GRB14: variants seen among roughly 807,000 people sequenced by gnomAD.
GRB14 encodes growth factor receptor-bound protein 14.
Under a neutral mutation model 69.1 loss-of-function variants are expected in GRB14, and 38 were observed. The ratio of observed to expected loss-of-function variants is 0.55; its 90% CI spans 0.42 to 0.72. The LOEUF (loss-of-function observed/expected upper bound fraction) is 0.72, where lower values mean the gene tolerates loss of function less well. Among genes scored for constraint, GRB14 ranks in the 30% least tolerant of loss-of-function variants. GRB14 has a pLI of 0.00. For synonymous variants in GRB14, 247 were observed against 241.3 expected, an observed-to-expected ratio of 1.02 and a Z score of -0.22; for missense variants, 666 against 666.1, an observed-to-expected ratio of 1.00 and a Z score of 0.00.
intron 2 of GRB14, among the ~76,000 whole-genome samples, chr2:164,587,356 T>C (rs1689562297): frequency 6.6e-6 from 1 of 152,180 alleles, no homozygotes; most frequent in African/African-American, 2.4e-5. Context: ...ACATCCTTTA[T>C]GTCTCAGGCA....
chr2:164,602,510 C>T (rs1689942363), intron 2 of GRB14, among the ~76,000 whole-genome samples: 1 of 152,052 alleles, frequency 6.6e-6, no homozygotes. Flanking sequence ...ACACGTACTT[C>T]ATAAGAAAGC....
chr2:164,551,434 A>G (rs1456972493), intron 2 of GRB14, among the ~76,000 whole-genome samples: 1 of 152,126 alleles, frequency 6.6e-6, no homozygotes, highest in Non-Finnish European at 1.5e-5. Flanking sequence ...GTACCCTCCA[A>G]AATTCACATG....
intron 2 of GRB14, among the ~76,000 whole-genome samples, chr2:164,561,856 C>G (rs184001075): frequency 6.6e-6 from 1 of 152,128 alleles, no homozygotes; most frequent in Non-Finnish European, 1.5e-5. Context: ...AAGGGCAATA[C>G]TCTGTGTGAA....
intron 8 of GRB14, among the ~76,000 whole-genome samples, chr2:164,505,650 T>C (rs949519158): frequency 3.9e-5 from 6 of 152,202 alleles, no homozygotes; most frequent in African/African-American, 1.4e-4. Context: ...TATTTATGTG[T>C]GTATATACTT....
intron 3 of GRB14, among the ~76,000 whole-genome samples, chr2:164,530,778 G>A (rs1687910031): frequency 6.6e-6 from 1 of 152,188 alleles, no homozygotes. Context: ...GTGGGTTGTA[G>A]AAAGCCCTGC....
intron 8 of GRB14, 119 bp from the exon 9 acceptor site, chr2:164,502,454 A>C: frequency 3.2e-6 from 2 of 616,976 alleles, no homozygotes; most frequent in East Asian, 5.7e-5. Flanking sequence ...GCAAACAAGT[A>C]AAGCAACCAA....
At chr2:164,545,928 G>A (rs1688361724) in intron 3 of GRB14, among the ~76,000 whole-genome samples, 1 of 152,094 alleles carries the variant, frequency 6.6e-6, no homozygotes, top group Admixed American at 6.5e-5. Flanking sequence ...ATTTTAAGAG[G>A]CTACTCCTTG....
At position 164,611,317 on chromosome 2, in the gene GRB14, T is replaced by C. The variant is rs139157263; in HGVS notation, c.324+8370A>G. 4.2e-3 allele frequency among the ~76,000 whole-genome samples: 646 copies of C among 152,256 alleles called. 3 individuals are homozygous for C. The highest frequency in any genetic ancestry group is 0.014 in the African/African-American group (600 of 41,552). On this transcript the variant is annotated intron_variant, in intron 2 of 13. Transcript: ENST00000263915. ...AACACAGAAGAAAGGAGGCCATTTA[T>C]GGGGCTCCTGTAGGTGAGAAGACAA...
At chr2:164,555,760 A>G (rs916255063) in intron 2 of GRB14, among the ~76,000 whole-genome samples, 9 of 151,334 alleles carry the variant, frequency 5.9e-5, no homozygotes, top group African/African-American at 2.2e-4. Flanking sequence ...TTATATATGT[A>G]TAGTTAACAT....
rs138650974 is a variant in GRB14 at position 164,557,262 on chromosome 2, T to G, written c.325-9446A>C. Among the ~76,000 whole-genome samples, 27 of 152,194 alleles carry G rather than the reference T, an allele frequency of 1.8e-4. No individual in the cohort carries two copies. In the East Asian group the frequency reaches 5.2e-3, roughly 29 times the overall value. Reference sequence around the variant, plus strand: ...TATGAGGACAGGGAGTAAGCATGGGTGCCAGGCAGCCTGAGGAGGGGGTGC... The same window carrying G: ...TATGAGGACAGGGAGTAAGCATGGGGGCCAGGCAGCCTGAGGAGGGGGTGC... On this transcript the variant is annotated intron_variant, in intron 2 of 13. Coordinates refer to ENST00000263915, the MANE Select transcript of GRB14 (RefSeq NM_004490.3).
At position 164,494,476 on chromosome 2, in the gene GRB14, C is replaced by T. The variant is rs1247470087; in HGVS notation, c.1431G>A (p.Leu477=). The T allele has an allele frequency of 6.2e-7, 1 of 1,605,092 alleles. No homozygotes were observed. The highest frequency in any genetic ancestry group is 8.5e-7 in the Non-Finnish European group (1 of 1,172,040). ...DSQSNPKTFV[L]SMSHGQKIKH... is the part of the protein sequence containing the mutation. ...TTATTTTTTGTCCATGACTCATTGA[C>T]AGTACGAAAGTTTTGGGGTTACTCT... Residue 477 remains leucine, a synonymous_variant, in exon 13 of 14, where the codon CTG becomes CTA. Transcript: ENST00000263915.
At chr2:164,499,777 A>T (rs1011012091) in intron 9 of GRB14, among the ~76,000 whole-genome samples, 7 of 152,154 alleles carry the variant, frequency 4.6e-5, no homozygotes, top group Non-Finnish European at 8.8e-5. Context: ...CTAGGTGACA[A>T]CCAGTATCAT....
chr2:164,497,098 A>G lies in GRB14; in HGVS notation c.1295-3T>C, dbSNP rs1162767224. On this transcript the variant is annotated splice_polypyrimidine_tract_variant and splice_region_variant and intron_variant, in intron 11 of 13. Transcript: ENST00000263915. ...CCATGGCTGGGACCGGTGGATAGCT[A>G]AAGAAATAGGATGGATGAATGCAAA... The G allele has an allele frequency of 6.2e-7, 1 of 1,612,916 alleles. No homozygotes were observed. The highest frequency in any genetic ancestry group is 1.3e-5 in the African/African-American group (1 of 75,010).
At chr2:164,563,197 C>A (rs1212371503) in intron 2 of GRB14, among the ~76,000 whole-genome samples, 1 of 152,178 alleles carries the variant, frequency 6.6e-6, no homozygotes, top group East Asian at 1.9e-4. Flanking sequence ...AATCCCTATA[C>A]AAGTAATAGA....
intron 6 of GRB14, among the ~76,000 whole-genome samples, chr2:164,519,361 A>C (rs1246508553): frequency 3.9e-5 from 6 of 152,186 alleles, no homozygotes; most frequent in African/African-American, 1.4e-4. Flanking sequence ...ACATACCTTA[A>C]AGTAATCGAA....
intron 2 of GRB14, among the ~76,000 whole-genome samples, chr2:164,597,665 G>A (rs901164249): frequency 2.6e-5 from 4 of 152,038 alleles, no homozygotes; most frequent in African/African-American, 9.7e-5. Context: ...AGAATGGAGG[G>A]AGGGATGCAA....
intron 3 of GRB14, among the ~76,000 whole-genome samples, chr2:164,532,431 T>A (rs1574278804): frequency 6.6e-6 from 1 of 152,184 alleles, no homozygotes; most frequent in East Asian, 1.9e-4. Context: ...CAGGTCCTAA[T>A]CTCTAGAACC....
At chr2:164,522,841 G>A (rs1445145536) in intron 5 of GRB14, among the ~76,000 whole-genome samples, 1 of 151,998 alleles carries the variant, frequency 6.6e-6, no homozygotes, top group Non-Finnish European at 1.5e-5. Context: ...CCTTGAATGC[G>A]AGCAAGCCTG....
chr2:164,585,128 A>G (rs1273031984), intron 2 of GRB14, among the ~76,000 whole-genome samples: 12 of 55,152 alleles, frequency 2.2e-4, no homozygotes, highest in Admixed American at 5.6e-4. Flanking sequence ...TTTTTTTTTT[A>G]GTAGAGATGG....
Sources: allele counts gnomAD v4.1 joint callset (sites outside exome capture counted in the v4.1 genomes callset), GRCh38; gene constraint gnomAD v4.1.1; transcripts MANE v1.5; gene names NCBI Gene and HGNC (gene_info 2026-07-23, HGNC 2026-07-21).